GRIN2B: variants seen among roughly 807,000 people sequenced by gnomAD.
GRIN2B encodes glutamate ionotropic receptor NMDA type subunit 2B, also known as glutamate receptor ionotropic, NMDA 2B.
In GRIN2B, 5 loss-of-function variants were observed where a neutral mutation model predicts 114.5. The observed-to-expected ratio is 0.04, with a 90% CI of 0.02 to 0.09. GRIN2B has a LOEUF of 0.09. Among genes scored for constraint, GRIN2B ranks in the 10% least tolerant of loss-of-function variants. The probability of loss-of-function intolerance (pLI) is 1.00; values close to 1 mark genes in which losing one functional copy is unlikely to be tolerated. For synonymous variants in GRIN2B, 787 were observed against 745.1 expected, an observed-to-expected ratio of 1.06 and a Z score of -0.92; for missense variants, 1,108 against 1,943.5, an observed-to-expected ratio of 0.57 and a Z score of 8.08.
intron 3 of GRIN2B, among the ~76,000 whole-genome samples, chr12:13,783,743 G>T (rs1864165185): frequency 1.3e-5 from 2 of 152,112 alleles, no homozygotes; most frequent in African/African-American, 4.8e-5. Flanking sequence ...AAAAGAGTGT[G>T]ATGAAATTCT....
At chr12:13,590,982 A>T (rs1949001697) in intron 10 of GRIN2B, among the ~76,000 whole-genome samples, 1 of 152,126 alleles carries the variant, frequency 6.6e-6, no homozygotes, top group East Asian at 1.9e-4. Flanking sequence ...GCATGCTTTC[A>T]AAAGACCCAC....
intron 4 of GRIN2B, among the ~76,000 whole-genome samples, chr12:13,709,833 A>G (rs984158468): frequency 6.6e-6 from 1 of 152,068 alleles, no homozygotes; most frequent in East Asian, 1.9e-4. Flanking sequence ...GTGAGAAAGT[A>G]AAATGATACT....
At chr12:13,568,672 C>T (rs1326334745) in intron 12 of GRIN2B, among the ~76,000 whole-genome samples, 1 of 152,190 alleles carries the variant, frequency 6.6e-6, no homozygotes, top group Non-Finnish European at 1.5e-5. Context: ...AAGCTGCAGA[C>T]ATAATTGAGA....
intron 10 of GRIN2B, among the ~76,000 whole-genome samples, chr12:13,602,875 A>C (rs2136458114): frequency 6.6e-6 from 1 of 152,308 alleles, no homozygotes; most frequent in African/African-American, 2.4e-5. Flanking sequence ...TGAGGAGAAG[A>C]GCTGCAAAAT....
chr12:13,954,001 A>G (rs1867542630), intron 2 of GRIN2B, among the ~76,000 whole-genome samples: 1 of 152,204 alleles, frequency 6.6e-6, no homozygotes. Context: ...CATGTAGACT[A>G]TTGACATAGT....
intron 4 of GRIN2B, among the ~76,000 whole-genome samples, chr12:13,689,125 C>A (rs1950194021): frequency 6.6e-6 from 1 of 152,180 alleles, no homozygotes; most frequent in South Asian, 2.1e-4. Context: ...TCCCATGGCA[C>A]AAACTCTTCT....
chr12:13,740,089 C>T (rs963549136), intron 4 of GRIN2B, among the ~76,000 whole-genome samples: 2 of 152,172 alleles, frequency 1.3e-5, no homozygotes, highest in African/African-American at 4.8e-5. Context: ...TTCCTTTCTC[C>T]TGAACTCCAC....
At chr12:13,838,464 A>G (rs1865317875) in intron 3 of GRIN2B, among the ~76,000 whole-genome samples, 1 of 152,172 alleles carries the variant, frequency 6.6e-6, no homozygotes, top group Non-Finnish European at 1.5e-5. Context: ...AATAACCTGC[A>G]TTTTAAAAAT....
At chr12:13,748,531 T>C (rs1470428055) in intron 4 of GRIN2B, among the ~76,000 whole-genome samples, 1 of 152,220 alleles carries the variant, frequency 6.6e-6, no homozygotes, top group Non-Finnish European at 1.5e-5. Flanking sequence ...ACTTACCTAA[T>C]CATTTTCTAA....
intron 5 of GRIN2B, among the ~76,000 whole-genome samples, chr12:13,621,320 G>A (rs577022984): frequency 6.6e-6 from 1 of 152,290 alleles, no homozygotes; most frequent in South Asian, 2.1e-4. Context: ...GGTAGAACAT[G>A]AGGCTAACAG....
At chr12:13,875,021 G>A (rs1014565519) in intron 2 of GRIN2B, among the ~76,000 whole-genome samples, 1 of 152,054 alleles carries the variant, frequency 6.6e-6, no homozygotes, top group African/African-American at 2.4e-5. Flanking sequence ...CATCACCTTG[G>A]TATTAAGCCC....
At position 13,549,078 on chromosome 12, in the gene GRIN2B, G is replaced by A. The variant is rs528431801; in HGVS notation, c.*13705C>T. The A allele has an allele frequency of 2.0e-5, 3 of 152,190 alleles. No individual in the cohort carries two copies. In the East Asian group the frequency reaches 5.8e-4, roughly 29 times the overall value. The allele number at this position is 152,190 out of a possible 1,614,324, so 9.4% of individuals were successfully genotyped here. A position where few individuals can be genotyped will look rare whatever the true frequency, so the allele number is the denominator to read the frequency against. Reference sequence around the variant, plus strand: ...CTGTTTTTGGTTTAAGCATAATGCTGTGAGCCAAAATTTCTTCTGCAGCCC... The same window carrying A: ...CTGTTTTTGGTTTAAGCATAATGCTATGAGCCAAAATTTCTTCTGCAGCCC... On this transcript the variant is annotated 3_prime_UTR_variant, in exon 14 of 14. Transcript: ENST00000609686.
intron 4 of GRIN2B, among the ~76,000 whole-genome samples, chr12:13,726,053 T>C (rs868579344): frequency 4.6e-5 from 7 of 152,196 alleles, no homozygotes; most frequent in South Asian, 2.1e-4. Flanking sequence ...ATGAAATTGC[T>C]AATTTCTTAT....
Position 13,668,355 on chromosome 12 carries a change from T to C in GRIN2B, c.1125+7390A>G, listed in dbSNP as rs142282299. ...TTCCAAAGTCTATTCCCCCAATACA[T>C]CCTGCTCTTCTCTTTGAATTATTTC... On this transcript the variant is annotated intron_variant, in intron 5 of 13. Coordinates refer to ENST00000609686, the MANE Select transcript of GRIN2B (RefSeq NM_000834.5). 7.9e-5 allele frequency among the ~76,000 whole-genome samples: 12 copies of C among 152,308 alleles called. No homozygotes were observed. The East Asian group carries it at 2.3e-3, about 29-fold the overall frequency.
At chr12:13,644,008 T>C (rs1949741931) in intron 5 of GRIN2B, among the ~76,000 whole-genome samples, 1 of 152,132 alleles carries the variant, frequency 6.6e-6, no homozygotes, top group African/African-American at 2.4e-5. Flanking sequence ...TTCTAAACTT[T>C]TGTTAATGTT....
At chr12:13,965,297 A>T (rs999494946) in intron 2 of GRIN2B, among the ~76,000 whole-genome samples, 15 of 152,102 alleles carry the variant, frequency 9.9e-5, no homozygotes, top group African/African-American at 3.6e-4. Context: ...TATGCTTATG[A>T]GTTTGTAATT....
intron 2 of GRIN2B, among the ~76,000 whole-genome samples, chr12:13,937,993 C>T (rs1025922100): frequency 3.3e-5 from 5 of 152,024 alleles, no homozygotes; most frequent in Non-Finnish European, 7.4e-5. Flanking sequence ...ACAATGTTGA[C>T]TCTAAATAGA....
chr12:13,551,433 A>G lies in GRIN2B; in HGVS notation c.*11350T>C, dbSNP rs1948412003. ...CATAGGGTAAAATGGGAAAATGGAG[A>G]CGATAACTAGGTTGTTTCATCACAA... On this transcript the variant is annotated 3_prime_UTR_variant, in exon 14 of 14. Transcript: ENST00000609686. The G allele has an allele frequency of 1.3e-5, 2 of 152,176 alleles. No homozygotes were observed. Among genetic ancestry groups the G allele is most frequent in the South Asian group, 4.1e-4 (2 of 4,834 alleles). The allele number at this position is 152,176 out of a possible 1,614,324, so 9.4% of individuals were successfully genotyped here.
At chr12:13,960,021 C>T (rs1003501060) in intron 2 of GRIN2B, among the ~76,000 whole-genome samples, 1 of 152,082 alleles carries the variant, frequency 6.6e-6, no homozygotes, top group Non-Finnish European at 1.5e-5. Context: ...CCGAGCTTTT[C>T]AGCCTCAGCA....
Sources: gnomAD v4.1 joint callset for allele counts (sites outside exome capture counted in the v4.1 genomes callset) on GRCh38, gnomAD v4.1.1 for gene constraint, MANE v1.5 for transcripts, NCBI Gene and HGNC (gene_info 2026-07-23, HGNC 2026-07-21) for gene names.